DACH2: variants seen among roughly 807,000 people sequenced by gnomAD.
The protein encoded by DACH2 is dachshund family transcription factor 2.
DACH2 carries 17 observed loss-of-function variants against 35.8 expected under a neutral mutation model. That is an observed-to-expected ratio of 0.48 (90% CI 0.33 to 0.71). The LOEUF (loss-of-function observed/expected upper bound fraction) is 0.71. DACH2 is among the 30% of genes least tolerant of loss of function. DACH2 has a pLI of 0.02. For synonymous variants in DACH2, 195 were observed against 177.3 expected (o/e 1.10, Z -0.79); for missense variants, 469 against 472.7 (o/e 0.99, Z 0.07).
chrX:86,345,556 T>C (rs946635385), intron 1 of DACH2: 9 of 181,934 alleles, frequency 4.9e-5, no homozygotes, highest in African/African-American at 2.8e-4. Flanking sequence ...GAAAAAGAAA[T>C]GAAACATATT....
chrX:86,436,033 T>C, intron 2 of DACH2, among the ~76,000 whole-genome samples: 1 of 111,559 alleles, frequency 9.0e-6, no homozygotes. Flanking sequence ...TATCCCACAA[T>C]ATTTTAGTAC....
intron 2 of DACH2, among the ~76,000 whole-genome samples, chrX:86,475,383 A>G (rs1022920315): frequency 2.7e-5 from 3 of 111,040 alleles, no homozygotes; most frequent in African/African-American, 9.8e-5. Flanking sequence ...GTGTTTTATA[A>G]TTTTCATTAT....
intron 1 of DACH2, among the ~76,000 whole-genome samples, chrX:86,269,244 G>GT (rs752072585): frequency 1.8e-5 from 2 of 111,289 alleles, no homozygotes; most frequent in Admixed American, 9.6e-5. Context: ...TGTTTGCAAT[G>GT]TTTATCTTTC....
chrX:86,567,911 C>A (rs1424804450), intron 3 of DACH2, among the ~76,000 whole-genome samples: 1 of 111,522 alleles, frequency 9.0e-6, no homozygotes, highest in Non-Finnish European at 1.9e-5. Context: ...CCAAGATATT[C>A]TGCAGTAGGT....
At chrX:86,795,312 C>A (rs1383719990) in intron 7 of DACH2, among the ~76,000 whole-genome samples, 5 of 105,957 alleles carry the variant, frequency 4.7e-5, no homozygotes, top group African/African-American at 1.7e-4. Context: ...CTGCTCACTG[C>A]AAGTTCCATC....
intron 7 of DACH2, among the ~76,000 whole-genome samples, chrX:86,796,043 C>T (rs2042234692): frequency 8.9e-6 from 1 of 111,979 alleles, no homozygotes; most frequent in African/African-American, 3.2e-5. Context: ...GTTGCCGCTG[C>T]TGGCTTGGGT....
chrX:86,308,168 T>C lies in DACH2; in HGVS notation c.489-68656T>C, dbSNP rs751774689. Among the ~76,000 whole-genome samples the C allele has an allele frequency of 3.3e-3, 368 of 112,578 alleles. 2 individuals carry two copies. Among genetic ancestry groups the C allele is most frequent in the African/African-American group, 0.012 (357 of 31,039 alleles). On this transcript the variant is annotated intron_variant, in intron 1 of 11. Coordinates refer to ENST00000373125, the MANE Select transcript of DACH2 (RefSeq NM_053281.3). ...GTCCAGAAGATATACCCTTGACCCATGCCTTGTGAAATAGATTTATGAGAG... is the reference window on the plus strand; with the variant it reads ...GTCCAGAAGATATACCCTTGACCCACGCCTTGTGAAATAGATTTATGAGAG...
At chrX:86,416,122 T>A (rs2036699632) in intron 2 of DACH2, among the ~76,000 whole-genome samples, 1 of 111,967 alleles carries the variant, frequency 8.9e-6, no homozygotes. Context: ...GAAAAATATA[T>A]GTTTAGGGAT....
At chrX:86,271,655 G>C (rs1210655625) in intron 1 of DACH2, among the ~76,000 whole-genome samples, 1 of 111,437 alleles carries the variant, frequency 9.0e-6, no homozygotes, top group Non-Finnish European at 1.9e-5. Context: ...ATTTTGATTT[G>C]GGTGTAATAA....
intron 2 of DACH2, among the ~76,000 whole-genome samples, chrX:86,483,542 C>T (rs1359782995): frequency 9.0e-6 from 1 of 111,247 alleles, no homozygotes; most frequent in Non-Finnish European, 1.9e-5. Context: ...CTAAGAAAGA[C>T]TTGCCAGGCT....
chrX:86,556,795 T>TAGAGAG lies in DACH2; in HGVS notation c.640+42434_640+42439dup, dbSNP rs1194704943. Reference sequence around the variant, plus strand: ...ATATATATATATATATATATATATATAGAGAGAGAGAGAGAGAGAGAGAGA... The same window carrying TAGAGAG: ...ATATATATATATATATATATATATATAGAGAGAGAGAGAGAGAGAGAGAGAGAGAGA... On this transcript the variant is annotated intron_variant, in intron 3 of 11. Coordinates refer to ENST00000373125, the MANE Select transcript of DACH2 (RefSeq NM_053281.3). Among the ~76,000 whole-genome samples the TAGAGAG allele has an allele frequency of 7.1e-3, 178 of 25,207 alleles. 8 individuals carry two copies. Among genetic ancestry groups the TAGAGAG allele is most frequent in the South Asian group, 0.032 (8 of 248 alleles). 21.9% of individuals were successfully genotyped at this position (25,207 alleles called of 115,157 possible).
intron 6 of DACH2, among the ~76,000 whole-genome samples, chrX:86,718,851 A>G (rs1417035236): frequency 3.6e-5 from 4 of 111,760 alleles, no homozygotes; most frequent in Non-Finnish European, 7.5e-5. Context: ...CTATTTTTAT[A>G]TCAGTACCAT....
At chrX:86,565,473 G>A (rs1399162833) in intron 3 of DACH2, among the ~76,000 whole-genome samples, 1 of 111,270 alleles carries the variant, frequency 9.0e-6, no homozygotes, top group Non-Finnish European at 1.9e-5. Context: ...CATTGGCAGC[G>A]GGGCCCAGCA....
At chrX:86,464,737 C>A (rs760898966) in intron 2 of DACH2, among the ~76,000 whole-genome samples, 2 of 110,857 alleles carry the variant, frequency 1.8e-5, no homozygotes, top group South Asian at 7.7e-4. Context: ...AGAAAAATAT[C>A]TGAGGTAATA....
chrX:86,218,788 T>C (rs2032636502), intron 1 of DACH2, among the ~76,000 whole-genome samples: 1 of 112,149 alleles, frequency 8.9e-6, no homozygotes, highest in Admixed American at 9.5e-5. Flanking sequence ...CTACAATATA[T>C]AGCTTAAAAT....
In DACH2 at chrX:86,751,948, G is replaced by A. The variant is rs187536202; in HGVS notation, c.1240+12066G>A. 1.3e-4 allele frequency among the ~76,000 whole-genome samples: 15 copies of A among 111,882 alleles called. No individual in the cohort carries two copies. In the East Asian group the frequency reaches 3.7e-3, roughly 27 times the overall value. ...TGTCCTTTTCAGTAACGTGGATGGAGCTGGAGGCCAATTATCCTAAACAAT... is the reference window on the plus strand; with the variant it reads ...TGTCCTTTTCAGTAACGTGGATGGAACTGGAGGCCAATTATCCTAAACAAT... On this transcript the variant is annotated intron_variant, in intron 7 of 11. Transcript: ENST00000373125.
intron 3 of DACH2, among the ~76,000 whole-genome samples, chrX:86,549,556 G>A (rs528913067): frequency 9.1e-6 from 1 of 109,338 alleles, no homozygotes; most frequent in Admixed American, 9.8e-5. Flanking sequence ...TATAAGTTAC[G>A]AATACTATTT....
intron 3 of DACH2, among the ~76,000 whole-genome samples, chrX:86,570,870 A>G (rs1200012884): frequency 9.0e-6 from 1 of 111,529 alleles, no homozygotes; most frequent in African/African-American, 3.3e-5. Context: ...TATATTTTAC[A>G]AAGATTTTAT....
chrX:86,663,887 A>G (rs189245919), intron 4 of DACH2, among the ~76,000 whole-genome samples: 94 of 111,930 alleles, frequency 8.4e-4, no homozygotes, highest in African/African-American at 2.8e-3. Context: ...GGTGATCATC[A>G]TAAGATCCTA....
Sources: allele counts gnomAD v4.1 joint callset (sites outside exome capture counted in the v4.1 genomes callset), GRCh38; gene constraint gnomAD v4.1.1; transcripts MANE v1.5; gene names NCBI Gene and HGNC (gene_info 2026-07-23, HGNC 2026-07-21).